Variants in PEX13 observed in about 807,000 individuals in gnomAD.
The protein encoded by PEX13 is peroxisomal biogenesis factor 13.
In PEX13, 28 loss-of-function variants were observed where a neutral mutation model predicts 34.5. The observed-to-expected ratio is 0.81, with a 90% confidence interval of 0.60 to 1.11. The LOEUF is 1.11. Ranked by LOEUF, PEX13 falls within the 50% of genes most tolerant of loss-of-function variation. PEX13 has a pLI of 0.00. For synonymous variants in PEX13, 177 were observed against 175.1 expected, an observed-to-expected ratio of 1.01 and a Z score of -0.09; for missense variants, 550 against 491.0, an observed-to-expected ratio of 1.12 and a Z score of -1.13.
intron 2 of PEX13, among the ~76,000 whole-genome samples, chr2:61,042,944 A>G (rs1002414082): frequency 6.6e-6 from 1 of 152,216 alleles, no homozygotes; most frequent in Non-Finnish European, 1.5e-5. Flanking sequence ...TACTTGCTAA[A>G]TCTGTTGGCT....
At chr2:61,042,087 T>C (rs959938908) in intron 2 of PEX13, among the ~76,000 whole-genome samples, 2 of 152,244 alleles carry the variant, frequency 1.3e-5, no homozygotes, top group African/African-American at 4.8e-5. Context: ...AAAAATGGTT[T>C]TTATACTTTT....
chr2:61,019,867 A>T (rs1459601887), intron 1 of PEX13, among the ~76,000 whole-genome samples: 1 of 152,162 alleles, frequency 6.6e-6, no homozygotes, highest in Non-Finnish European at 1.5e-5. Flanking sequence ...TGGGATTTTT[A>T]TTGGAACTGA....
chr2:61,041,983 G>A (rs1680632792), intron 2 of PEX13, among the ~76,000 whole-genome samples: 1 of 152,190 alleles, frequency 6.6e-6, no homozygotes, highest in Non-Finnish European at 1.5e-5. Context: ...GCAAAATTGA[G>A]GTCCTATTAC....
intron 2 of PEX13, among the ~76,000 whole-genome samples, chr2:61,037,424 C>T (rs1680554178): frequency 6.6e-6 from 1 of 152,204 alleles, no homozygotes. Context: ...AACTGTCTCT[C>T]AGACCACAGT....
intron 2 of PEX13, among the ~76,000 whole-genome samples, chr2:61,037,934 T>C (rs1680562397): frequency 6.6e-6 from 1 of 152,120 alleles, no homozygotes; most frequent in South Asian, 2.1e-4. Context: ...TCACCACCCA[T>C]CCCACAGAAA....
At chr2:61,026,087 T>G (rs184807989) in intron 1 of PEX13, among the ~76,000 whole-genome samples, 3 of 149,232 alleles carry the variant, frequency 2.0e-5, no homozygotes, top group East Asian at 2.0e-4. Context: ...GCTCTCTGGG[T>G]TTTTTTTTTC....
intron 3 of PEX13, among the ~76,000 whole-genome samples, chr2:61,047,731 T>A (rs567613034): frequency 6.6e-6 from 1 of 152,340 alleles, no homozygotes; most frequent in South Asian, 2.1e-4. Context: ...GTAGACATGG[T>A]AAATTTGTTT....
At chr2:61,018,184 C>T (rs748763430) in intron 1 of PEX13, 1 of 1,550,886 alleles carries the variant, frequency 6.4e-7, no homozygotes, top group South Asian at 1.2e-5. Context: ...ATCTTTAAAG[C>T]GTAGACTTTG....
At chr2:61,033,321 A>G (rs1680483346) in intron 2 of PEX13, among the ~76,000 whole-genome samples, 1 of 152,192 alleles carries the variant, frequency 6.6e-6, no homozygotes, top group African/African-American at 2.4e-5. Context: ...GAGAAGCAGG[A>G]TTCATATAAT....
chr2:61,044,424 A>AT (rs893076256), intron 2 of PEX13, among the ~76,000 whole-genome samples: 2 of 151,974 alleles, frequency 1.3e-5, no homozygotes, highest in African/African-American at 2.4e-5. Flanking sequence ...AATTTTGTTT[A>AT]TTTTTTTGTA....
At chr2:61,037,195 G>A (rs1216329320) in intron 2 of PEX13, among the ~76,000 whole-genome samples, 1 of 152,096 alleles carries the variant, frequency 6.6e-6, no homozygotes, top group Non-Finnish European at 1.5e-5. Flanking sequence ...ACAGCCCACT[G>A]TCAATATTAG....
intron 2 of PEX13, among the ~76,000 whole-genome samples, chr2:61,041,510 G>T (rs1183583023): frequency 2.0e-5 from 3 of 152,112 alleles, no homozygotes; most frequent in African/African-American, 7.2e-5. Context: ...ATAAGATCAA[G>T]AACTGAGAAA....
chr2:61,025,950 G>A (rs1004433634), intron 1 of PEX13, among the ~76,000 whole-genome samples: 1 of 151,944 alleles, frequency 6.6e-6, no homozygotes, highest in Non-Finnish European at 1.5e-5. Context: ...TCCTCTTTAG[G>A]GTTCTGAACT....
intron 1 of PEX13, among the ~76,000 whole-genome samples, chr2:61,019,704 C>G (rs1680214044): frequency 6.6e-6 from 1 of 152,032 alleles, no homozygotes; most frequent in African/African-American, 2.4e-5. Flanking sequence ...ATATGTAGTT[C>G]TGTTTTGGGC....
At chr2:61,038,724 CTATT>C (rs1338613892) in intron 2 of PEX13, among the ~76,000 whole-genome samples, 1 of 152,208 alleles carries the variant, frequency 6.6e-6, no homozygotes, top group Non-Finnish European at 1.5e-5. Context: ...GTCACCACTC[CTATT>C]CAACATGGTG....
At chr2:61,036,197 G>GAAAA (rs1680531745) in intron 2 of PEX13, among the ~76,000 whole-genome samples, 1 of 152,278 alleles carries the variant, frequency 6.6e-6, no homozygotes, top group African/African-American at 2.4e-5. Flanking sequence ...AACCAAGTTA[G>GAAAA]AAAACACTCC....
At chr2:61,030,601 A>G (rs1289600824) in intron 1 of PEX13, among the ~76,000 whole-genome samples, 1 of 152,190 alleles carries the variant, frequency 6.6e-6, no homozygotes, top group African/African-American at 2.4e-5. Context: ...GGCATGGGCT[A>G]TTGTGCTGTT....
chr2:61,036,921 A>G (rs1680544893), intron 2 of PEX13, among the ~76,000 whole-genome samples: 1 of 152,146 alleles, frequency 6.6e-6, no homozygotes, highest in African/African-American at 2.4e-5. Context: ...CTCAAAATAA[A>G]GGGATGGAGG....
At chr2:61,047,094 C>T (rs1369723123) in intron 3 of PEX13, among the ~76,000 whole-genome samples, 3 of 151,756 alleles carry the variant, frequency 2.0e-5, no homozygotes, top group Admixed American at 6.6e-5. Context: ...CGTAGTGTAA[C>T]CTTGTCTCAA....
Sources: gnomAD v4.1 joint callset for allele counts (sites outside exome capture counted in the v4.1 genomes callset) on GRCh38, gnomAD v4.1.1 for gene constraint, MANE v1.5 for transcripts, NCBI Gene and HGNC (gene_info 2026-07-23, HGNC 2026-07-21) for gene names.